Variants in PTPRT observed in about 807,000 individuals in gnomAD.
The protein encoded by PTPRT is protein tyrosine phosphatase receptor type T, also known as receptor-type tyrosine-protein phosphatase T.
Under a neutral mutation model 176.8 loss-of-function variants are expected in PTPRT, and 56 were observed. The observed-to-expected ratio is 0.32, with a 90% CI of 0.26 to 0.40. PTPRT has a LOEUF of 0.40. PTPRT is among the 10% of genes least tolerant of loss of function. The pLI is 1.00. For missense variants in PTPRT, 1,540 were observed against 1,908.2 expected (o/e 0.81, Z 3.60); for synonymous variants, 783 against 739.0 (o/e 1.06, Z -0.96).
At chr20:43,156,102 C>T (rs1416687999) in intron 1 of PTPRT, among the ~76,000 whole-genome samples, 2 of 152,186 alleles carry the variant, frequency 1.3e-5, no homozygotes, top group Non-Finnish European at 2.9e-5. Flanking sequence ...ATGGGGAGTG[C>T]TGGGTGGGTC....
chr20:43,065,502 C>T (rs1446167426), intron 1 of PTPRT, among the ~76,000 whole-genome samples: 1 of 152,234 alleles, frequency 6.6e-6, no homozygotes, highest in Non-Finnish European at 1.5e-5. Flanking sequence ...GACCTCTCCA[C>T]TGTATGTGAC....
At chr20:43,136,738 C>T (rs1342285316) in intron 1 of PTPRT, among the ~76,000 whole-genome samples, 3 of 152,178 alleles carry the variant, frequency 2.0e-5, no homozygotes, top group African/African-American at 4.8e-5. Flanking sequence ...AGCTAGTAAG[C>T]GCTTGATCTC....
At chr20:43,175,190 G>A (rs4812684) in intron 1 of PTPRT, among the ~76,000 whole-genome samples, 14,639 of 152,248 alleles carry the variant, frequency 0.096, 1,131 homozygotes, top group East Asian at 0.35. Flanking sequence ...AGAAAGAGAC[G>A]GAGGTGTGAC....
intron 12 of PTPRT, among the ~76,000 whole-genome samples, chr20:42,309,086 A>C (rs1005906177): frequency 3.3e-5 from 5 of 152,184 alleles, no homozygotes; most frequent in African/African-American, 9.7e-5. Context: ...CATCCAGGTT[A>C]AATGTACCCC....
chr20:42,613,777 A>G (rs1035660043), intron 7 of PTPRT, among the ~76,000 whole-genome samples: 1 of 152,144 alleles, frequency 6.6e-6, no homozygotes, highest in Non-Finnish European at 1.5e-5. Context: ...TTTCCTTTCT[A>G]TTCAGTCTCT....
intron 9 of PTPRT, among the ~76,000 whole-genome samples, chr20:42,358,376 T>A (rs1367587332): frequency 2.6e-5 from 4 of 152,172 alleles, no homozygotes; most frequent in Admixed American, 2.6e-4. Flanking sequence ...TGCTTGGCCA[T>A]GTACTAAGCT....
intron 7 of PTPRT, among the ~76,000 whole-genome samples, chr20:42,590,956 G>C (rs1429320779): frequency 6.6e-6 from 1 of 150,702 alleles, no homozygotes; most frequent in African/African-American, 2.5e-5. Flanking sequence ...GTGTGTGTGT[G>C]TGTGTGTGTG....
At chr20:42,852,235 T>G in intron 2 of PTPRT, among the ~76,000 whole-genome samples, 1 of 152,146 alleles carries the variant, frequency 6.6e-6, no homozygotes, top group East Asian at 1.9e-4. Flanking sequence ...GGGGGAGAAT[T>G]GACATATTTA....
At chr20:42,316,606 T>A (rs921543899) in intron 11 of PTPRT, among the ~76,000 whole-genome samples, 1 of 152,198 alleles carries the variant, frequency 6.6e-6, no homozygotes, top group Non-Finnish European at 1.5e-5. Flanking sequence ...AATTATACAA[T>A]CTGAACTCCT....
intron 2 of PTPRT, among the ~76,000 whole-genome samples, chr20:42,800,935 T>C (rs2077521758): frequency 6.6e-6 from 1 of 152,136 alleles, no homozygotes; most frequent in Non-Finnish European, 1.5e-5. Context: ...TTACCACGAC[T>C]GGGTCTGAAA....
At chr20:42,388,982 T>C (rs1266587357) in intron 9 of PTPRT, among the ~76,000 whole-genome samples, 1 of 152,052 alleles carries the variant, frequency 6.6e-6, no homozygotes, top group East Asian at 1.9e-4. Context: ...TGTAGAGACA[T>C]GGATGAAGCT....
Position 42,875,161 on chromosome 20 carries a change from A to C in PTPRT, c.214+10646T>G, listed in dbSNP as rs972426812. ...AAACTGAGTGTCAAGGCAAGCATCT[A>C]TGTGGATATTAGCACAGACAGGTTT... On this transcript the variant is annotated intron_variant, in intron 2 of 30. Transcript: ENST00000373187. Among the ~76,000 whole-genome samples, 3 of 152,200 alleles carry C rather than the reference A, an allele frequency of 2.0e-5. No individual in the cohort carries two copies. In the South Asian group the frequency reaches 6.2e-4, roughly 32 times the overall value.
intron 3 of PTPRT, among the ~76,000 whole-genome samples, chr20:42,781,342 T>C (rs1054381361): frequency 1.3e-5 from 2 of 152,088 alleles, no homozygotes; most frequent in African/African-American, 4.8e-5. Flanking sequence ...CATGCACCCA[T>C]GTAATCCCAG....
At chr20:42,661,400 T>C (rs1187362965) in intron 7 of PTPRT, among the ~76,000 whole-genome samples, 3 of 152,192 alleles carry the variant, frequency 2.0e-5, no homozygotes, top group East Asian at 3.8e-4. Flanking sequence ...AAAAAATATA[T>C]ATTTAATTGG....
intron 7 of PTPRT, among the ~76,000 whole-genome samples, chr20:42,502,421 C>T (rs909200475): frequency 4.1e-5 from 6 of 147,652 alleles, no homozygotes; most frequent in African/African-American, 1.6e-4. Flanking sequence ...CACACACACA[C>T]ACACACACAC....
chr20:42,846,017 C>T (rs1045528443), intron 2 of PTPRT, among the ~76,000 whole-genome samples: 1 of 152,084 alleles, frequency 6.6e-6, no homozygotes, highest in Non-Finnish European at 1.5e-5. Flanking sequence ...CATCCTGCAG[C>T]CCCCAGGGAC....
At chr20:43,016,178 G>A (rs1055609660) in intron 1 of PTPRT, among the ~76,000 whole-genome samples, 7 of 152,148 alleles carry the variant, frequency 4.6e-5, no homozygotes, top group African/African-American at 1.7e-4. Context: ...ATGGAGCAAG[G>A]TCCCCACTGG....
At chr20:42,513,201 G>GGTGTGT (rs58268839) in intron 7 of PTPRT, among the ~76,000 whole-genome samples, 3,731 of 144,628 alleles carry the variant, frequency 0.026, 41 homozygotes, top group Middle Eastern at 0.049. Context: ...CTATTGATGG[G>GGTGTGT]GTGTGTGTGT....
At chr20:42,236,850 C>T (rs1300192726) in intron 14 of PTPRT, among the ~76,000 whole-genome samples, 1 of 152,088 alleles carries the variant, frequency 6.6e-6, no homozygotes, top group Non-Finnish European at 1.5e-5. Context: ...AGTATTCAGG[C>T]CCTTGTGGAC....
Sources: allele counts gnomAD v4.1 joint callset (sites outside exome capture counted in the v4.1 genomes callset), GRCh38; gene constraint gnomAD v4.1.1; transcripts MANE v1.5; gene names NCBI Gene and HGNC (gene_info 2026-07-23, HGNC 2026-07-21).